Variants in TLL2 observed in about 807,000 individuals in gnomAD.
TLL2 encodes tolloid-like protein 2.
TLL2 carries 106 observed loss-of-function variants against 123.0 expected under a neutral mutation model. The observed-to-expected ratio is 0.86, with a 90% CI of 0.74 to 1.01. The LOEUF (loss-of-function observed/expected upper bound fraction) is 1.01. Among genes scored for constraint, TLL2 ranks in the 50% least tolerant of loss-of-function variants. TLL2 has a pLI of 0.00. For missense variants in TLL2, 1,332 were observed against 1,336.7 expected (o/e 1.00, Z 0.06); for synonymous variants, 494 against 516.8 (o/e 0.96, Z 0.60).
At chr10:96,501,372 T>C (rs1422701379) in intron 1 of TLL2, among the ~76,000 whole-genome samples, 1 of 151,988 alleles carries the variant, frequency 6.6e-6, no homozygotes, top group East Asian at 1.9e-4. Context: ...CTTCCCACTT[T>C]CCCTCCCTTC....
rs1846242011 is a variant in TLL2, at chr10:96,387,035, A to G, written c.1770T>C (p.His590=). 5 of 1,613,974 alleles carry G rather than the reference A, an allele frequency of 3.1e-6. No individual in the cohort carries two copies. The highest frequency in any genetic ancestry group is 4.2e-6 in the Non-Finnish European group (5 of 1,180,044). The change falls in exon 14 of 21, where the codon CAT becomes CAC. Residue 590 remains histidine (H), a synonymous_variant. Transcript: ENST00000357947. ...AGCTGCCCAGCGTGTTCACACAGCG[A>G]TGCTCGCACCCGCCGTGATCTGGCC... is the stretch of plus-strand genomic sequence containing the variant. ...CSWPDHGGCE[H]RCVNTLGSYK...
At chr10:96,418,053 C>A (rs1846581822) in intron 7 of TLL2, among the ~76,000 whole-genome samples, 1 of 152,270 alleles carries the variant, frequency 6.6e-6, no homozygotes, top group African/African-American at 2.4e-5. Context: ...TGCTGATCTC[C>A]CTCCTAGAGA....
chr10:96,469,066 C>A (rs892631106), intron 2 of TLL2, among the ~76,000 whole-genome samples: 1 of 152,248 alleles, frequency 6.6e-6, no homozygotes, highest in South Asian at 2.1e-4. Flanking sequence ...TGCCAGGCTG[C>A]GCCTGGTTCC....
At chr10:96,383,428 A>G (rs913134142) in intron 16 of TLL2, among the ~76,000 whole-genome samples, 1 of 152,048 alleles carries the variant, frequency 6.6e-6, no homozygotes, top group African/African-American at 2.4e-5. Context: ...GGTTTCCCCC[A>G]TACTGTTCTT....
At chr10:96,374,149 G>A in intron 18 of TLL2, 1 of 282,410 alleles carries the variant, frequency 3.5e-6, no homozygotes, top group Non-Finnish European at 6.8e-6. Flanking sequence ...GCCCAAATCT[G>A]TCTTCCTTCC....
At chr10:96,457,956 C>G (rs1002052433) in intron 2 of TLL2, among the ~76,000 whole-genome samples, 1 of 152,144 alleles carries the variant, frequency 6.6e-6, no homozygotes, top group African/African-American at 2.4e-5. Context: ...TCTGTCTCCC[C>G]AACACCTTCT....
chr10:96,473,056 C>CG (rs879857475), intron 2 of TLL2, among the ~76,000 whole-genome samples: 1 of 152,020 alleles, frequency 6.6e-6, no homozygotes, highest in Non-Finnish European at 1.5e-5. Context: ...CAGCCCCCCC[C>CG]AATCAGATGG....
intron 9 of TLL2, 83 bp from the exon 10 acceptor site, chr10:96,405,417 A>C: frequency 3.1e-6 from 4 of 1,280,982 alleles, no homozygotes; most frequent in Non-Finnish European, 4.5e-6. Context: ...TGGTGTTCTC[A>C]CGTTACCCTT....
intron 4 of TLL2, among the ~76,000 whole-genome samples, chr10:96,430,690 A>G (rs1846729017): frequency 6.6e-6 from 1 of 152,240 alleles, no homozygotes; most frequent in African/African-American, 2.4e-5. Context: ...AGCCTGGGCA[A>G]CATGGTGAAA....
At chr10:96,475,640 G>A (rs1380577495) in intron 2 of TLL2, among the ~76,000 whole-genome samples, 1 of 152,194 alleles carries the variant, frequency 6.6e-6, no homozygotes, top group Non-Finnish European at 1.5e-5. Context: ...AGGCAAAGGA[G>A]GCCTCTGGGG....
At chr10:96,372,354 C>T (rs1208107684) in intron 19 of TLL2, among the ~76,000 whole-genome samples, 2 of 152,182 alleles carry the variant, frequency 1.3e-5, no homozygotes, top group Non-Finnish European at 1.5e-5. Context: ...TGATCGTGAG[C>T]TCAGACTCAG....
chr10:96,448,033 G>A (rs932030177), intron 2 of TLL2, among the ~76,000 whole-genome samples: 5 of 152,114 alleles, frequency 3.3e-5, no homozygotes, highest in Non-Finnish European at 5.9e-5. Context: ...ACGTGGTCCC[G>A]CTCCCAACTC....
At chr10:96,370,031 ACT>A in intron 20 of TLL2, 32 bp downstream of exon 20, 1 of 1,525,354 alleles carries the variant, frequency 6.6e-7, no homozygotes, top group Non-Finnish European at 8.8e-7. Context: ...GAATCATCAC[ACT>A]CTGCCCCGGC....
Position 96,513,757 on chromosome 10 carries a change from C to A in TLL2, c.-72G>T. 1 of 1,401,944 alleles carries A rather than the reference C, an allele frequency of 7.1e-7. No individual in the cohort carries two copies. Among genetic ancestry groups the A allele is most frequent in the Non-Finnish European group, 9.3e-7 (1 of 1,074,246 alleles). The allele number at this position is 1,401,944 out of a possible 1,614,324, so 86.8% of individuals were successfully genotyped here. On this transcript the variant is annotated 5_prime_UTR_variant, in exon 1 of 21. Transcript: ENST00000357947. ...CTCAGCTCGGCCGAAAGACGGCGCA[C>A]ACTGGGTCGGTCGGCTCCGGCCGGG...
intron 1 of TLL2, among the ~76,000 whole-genome samples, chr10:96,503,657 A>C (rs1481664753): frequency 6.6e-6 from 1 of 152,200 alleles, no homozygotes; most frequent in Admixed American, 6.5e-5. Context: ...ATACCCATGC[A>C]CTGACCCTGG....
At chr10:96,421,165 T>C in intron 6 of TLL2, 104 bp from the exon 7 acceptor site, 1 of 798,098 alleles carries the variant, frequency 1.3e-6, no homozygotes, top group Non-Finnish European at 2.1e-6. Flanking sequence ...CAGGGCTCTC[T>C]TGGCCCAATC....
At position 96,413,212 on chromosome 10, in the gene TLL2, C is replaced by T. The variant is rs199660053; in HGVS notation, c.1028G>A (p.Arg343Gln). 65 of 1,614,134 alleles carry T rather than the reference C, an allele frequency of 4.0e-5. No homozygotes were observed. Among genetic ancestry groups the T allele is most frequent in the Non-Finnish European group, 5.0e-5 (59 of 1,179,980 alleles). Residue 343 changes from arginine (R) to glutamine (Q), a missense_variant, in exon 8 of 21, where the codon CGG becomes CAG. Arg to Gln is a conservative substitution (Grantham distance 43). Coordinates refer to ENST00000357947, the MANE Select transcript of TLL2 (RefSeq NM_012465.4). The part of the protein sequence containing the change: ...RLSQGDIAQA[R>Q]KLYKCPACGE... The stretch of plus-strand genomic sequence containing the variant: ...GTTACCTGGGCATTTGTACAGCTTC[C>T]GGGCTTGAGCTATGTCTCCCTGACT...
chr10:96,394,835 C>G (rs369943121), intron 13 of TLL2, among the ~76,000 whole-genome samples: 1 of 152,232 alleles, frequency 6.6e-6, no homozygotes, highest in South Asian at 2.1e-4. Context: ...AGTCAAGTAC[C>G]TTACACAGTT....
chr10:96,484,321 T>C (rs570951777), intron 1 of TLL2, among the ~76,000 whole-genome samples: 4 of 152,308 alleles, frequency 2.6e-5, no homozygotes, highest in Admixed American at 2.0e-4. Flanking sequence ...GAAGATGATA[T>C]GATCCAGGCT....
Sources: allele counts gnomAD v4.1 joint callset (sites outside exome capture counted in the v4.1 genomes callset), GRCh38; gene constraint gnomAD v4.1.1; transcripts MANE v1.5; gene names NCBI Gene and HGNC (gene_info 2026-07-23, HGNC 2026-07-21).